Variants in CPED1 observed in about 807,000 individuals in gnomAD.
CPED1 encodes the protein cadherin-like and PC-esterase domain-containing protein 1.
CPED1 carries 114 observed loss-of-function variants against 128.2 expected under a neutral mutation model. That is an observed-to-expected ratio of 0.89 (90% CI 0.76 to 1.04). The LOEUF (loss-of-function observed/expected upper bound fraction) is 1.04. Ranked by LOEUF, CPED1 falls within the 50% of genes least tolerant of loss-of-function variation. The probability of loss-of-function intolerance (pLI) is 0.00; values close to 1 mark genes in which losing one functional copy is unlikely to be tolerated. For synonymous variants in CPED1, 462 were observed against 426.7 expected (o/e 1.08, Z -1.02); for missense variants, 1,211 against 1,207.1 (o/e 1.00, Z -0.05).
At chr7:121,118,251 A>T (rs1795300882) in intron 7 of CPED1, among the ~76,000 whole-genome samples, 1 of 152,106 alleles carries the variant, frequency 6.6e-6, no homozygotes, top group African/African-American at 2.4e-5. Context: ...CTTTTAATGG[A>T]TATATGAATT....
chr7:121,018,546 C>A (rs867005713), intron 3 of CPED1, among the ~76,000 whole-genome samples: 40 of 152,202 alleles, frequency 2.6e-4, no homozygotes, highest in African/African-American at 9.1e-4. Context: ...ACATTAAAAA[C>A]AAAACAGATA....
intron 5 of CPED1, among the ~76,000 whole-genome samples, chr7:121,080,652 G>A (rs1478275716): frequency 6.6e-6 from 1 of 152,062 alleles, no homozygotes; most frequent in African/African-American, 2.4e-5. Flanking sequence ...AAGTGAAAGA[G>A]AACTATACTG....
rs1161981749 is a variant in CPED1 at position 121,100,089 on chromosome 7, G to A, written c.913G>A (p.Val305Ile). 6.2e-7 allele frequency: 1 copy of A among 1,613,146 alleles called. No homozygotes were observed. The highest frequency in any genetic ancestry group is 8.5e-7 in the Non-Finnish European group (1 of 1,179,528). The stretch of plus-strand genomic sequence containing the variant: ...TCCACCAAAGAAAAAACGCTTCACT[G>A]TCAAGGTAAGCTCTCGGTTGAAGCT... The part of the protein sequence containing the change: ...WNPPKKKRFT[V>I]KLQTFFETFL... The change falls in exon 7 of 23, where the codon GTC becomes ATC. Residue 305 changes from valine (V) to isoleucine (I), a missense_variant. Physicochemically the swap from Val to Ile is conservative, Grantham distance 29 (BLOSUM62 3). Transcript: ENST00000310396.
chr7:121,261,899 A>G, intron 18 of CPED1: 1 of 599,902 alleles, frequency 1.7e-6, no homozygotes, highest in Non-Finnish European at 2.9e-6. Context: ...AGATAATTAA[A>G]CCATTTTATA....
At chr7:121,057,024 C>T (rs1563008580) in intron 4 of CPED1, among the ~76,000 whole-genome samples, 1 of 151,682 alleles carries the variant, frequency 6.6e-6, no homozygotes, top group African/African-American at 2.4e-5. Flanking sequence ...GCTGCCTAGG[C>T]TGGAGTGCAA....
At chr7:121,252,401 A>G (rs200327151) in intron 18 of CPED1, among the ~76,000 whole-genome samples, 43,323 of 149,740 alleles carry the variant, frequency 0.29, 6,823 homozygotes, top group Middle Eastern at 0.44. Flanking sequence ...CAGGACATAG[A>G]CATCGGCAAG....
At chr7:121,286,201 G>T (rs759266274) in intron 22 of CPED1, among the ~76,000 whole-genome samples, 1 of 152,120 alleles carries the variant, frequency 6.6e-6, no homozygotes, top group Non-Finnish European at 1.5e-5. Flanking sequence ...CAGCATGGAG[G>T]TAACTACCCC....
At chr7:121,073,548 C>T (rs896067855) in intron 5 of CPED1, among the ~76,000 whole-genome samples, 2 of 152,166 alleles carry the variant, frequency 1.3e-5, no homozygotes, top group Non-Finnish European at 2.9e-5. Context: ...GTGCCCATAT[C>T]GTAGAAGGGT....
intron 7 of CPED1, among the ~76,000 whole-genome samples, chr7:121,113,979 C>T (rs557339729): frequency 1.3e-5 from 2 of 152,222 alleles, no homozygotes; most frequent in South Asian, 2.1e-4. Context: ...TAGATGCGCA[C>T]CACCATGCCT....
intron 16 of CPED1, among the ~76,000 whole-genome samples, chr7:121,232,360 G>A (rs1020088471): frequency 6.6e-6 from 1 of 152,078 alleles, no homozygotes; most frequent in Non-Finnish European, 1.5e-5. Context: ...TGGATTAGAG[G>A]AGAGATGAAT....
chr7:121,052,907 CTG>C (rs1316748613), intron 4 of CPED1, among the ~76,000 whole-genome samples: 2 of 151,922 alleles, frequency 1.3e-5, no homozygotes, highest in Non-Finnish European at 2.9e-5. Context: ...TTAGTAGAGA[CTG>C]AGTTTTGCCA....
rs185964177 is a variant in CPED1, at chr7:121,075,741, A to G, written c.616+11428A>G. On this transcript the variant is annotated intron_variant, in intron 5 of 22. Coordinates refer to ENST00000310396, the MANE Select transcript of CPED1 (RefSeq NM_024913.5). ...TAAATTTTAACTTTTTGTAAGATTT[A>G]TGTACATTGCATGATAGTAAGTGAT... Among the ~76,000 whole-genome samples the G allele has an allele frequency of 2.0e-5, 3 of 152,294 alleles. No individual in the cohort carries two copies. The East Asian group carries it at 5.8e-4, about 29-fold the overall frequency.
intron 16 of CPED1, among the ~76,000 whole-genome samples, chr7:121,204,763 A>G (rs1226811143): frequency 6.6e-6 from 1 of 152,170 alleles, no homozygotes; most frequent in African/African-American, 2.4e-5. Flanking sequence ...CTGGCAGCCA[A>G]TTCTGCCCCA....
intron 16 of CPED1, among the ~76,000 whole-genome samples, chr7:121,159,456 C>G (rs1236666261): frequency 6.6e-6 from 1 of 152,042 alleles, no homozygotes; most frequent in Non-Finnish European, 1.5e-5. Flanking sequence ...AGTAGAAATA[C>G]ATGGATTTGT....
chr7:121,039,286 C>G (rs775112353), intron 3 of CPED1, among the ~76,000 whole-genome samples: 2 of 152,030 alleles, frequency 1.3e-5, no homozygotes, highest in Admixed American at 6.6e-5. Flanking sequence ...TGCTCCAGCT[C>G]TAATCGTTGA....
intron 16 of CPED1, among the ~76,000 whole-genome samples, chr7:121,187,292 C>T (rs1202217315): frequency 6.6e-6 from 1 of 152,124 alleles, no homozygotes; most frequent in Non-Finnish European, 1.5e-5. Context: ...GTATTTCAAC[C>T]AAGAGGAAGC....
At chr7:121,147,423 T>C (rs1049459409) in intron 16 of CPED1, among the ~76,000 whole-genome samples, 28 of 152,118 alleles carry the variant, frequency 1.8e-4, no homozygotes, top group Admixed American at 1.8e-3. Context: ...CCATAAACAG[T>C]ATAATGTTTT....
At chr7:121,090,235 A>C (rs1794540342) in intron 5 of CPED1, among the ~76,000 whole-genome samples, 1 of 152,190 alleles carries the variant, frequency 6.6e-6, no homozygotes, top group South Asian at 2.1e-4. Context: ...TTGTACAATG[A>C]CTACCCCTTT....
chr7:121,007,755 C>T (rs1463395279), intron 2 of CPED1, among the ~76,000 whole-genome samples: 1 of 152,174 alleles, frequency 6.6e-6, no homozygotes, highest in Admixed American at 6.5e-5. Flanking sequence ...CCTTAGCTCT[C>T]TCTTTCTCAG....
Sources: gnomAD v4.1 joint callset for allele counts (sites outside exome capture counted in the v4.1 genomes callset) on GRCh38, gnomAD v4.1.1 for gene constraint, MANE v1.5 for transcripts, NCBI Gene and HGNC (gene_info 2026-07-23, HGNC 2026-07-21) for gene names.